PCDHGB2: variants seen among roughly 807,000 people sequenced by gnomAD.
The protein encoded by PCDHGB2 is protocadherin gamma-B2.
PCDHGB2 carries 55 observed loss-of-function variants against 59.3 expected under a neutral mutation model. The observed-to-expected ratio is 0.93, with a 90% CI of 0.75 to 1.16. The LOEUF is 1.16. Among genes scored for constraint, PCDHGB2 ranks in the 50% most tolerant of loss-of-function variants. The pLI is 0.00. For missense variants in PCDHGB2, 1,228 were observed against 1,198.5 expected (o/e 1.02, Z -0.36); for synonymous variants, 516 against 512.0 (o/e 1.01, Z -0.11).
chr5:141,433,204 C>T, intron 1 of PCDHGB2: 6 of 1,566,938 alleles, frequency 3.8e-6, no homozygotes, highest in Admixed American at 2.0e-5. Flanking sequence ...ATCAAATCTT[C>T]TTTCTTTTTT....
At chr5:141,429,385 T>A (rs1274446916) in intron 1 of PCDHGB2, among the ~76,000 whole-genome samples, 1 of 151,844 alleles carries the variant, frequency 6.6e-6, no homozygotes, top group Non-Finnish European at 1.5e-5. Flanking sequence ...GTGTTTTTTT[T>A]TTAAAAAAAA....
chr5:141,472,769 T>C (rs2154571402), intron 1 of PCDHGB2, among the ~76,000 whole-genome samples: 1 of 151,816 alleles, frequency 6.6e-6, no homozygotes, highest in South Asian at 2.1e-4. Context: ...GCAGATCACC[T>C]GAGGTTGGGA....
Position 141,407,977 on chromosome 5 carries a change from G to T in PCDHGB2, c.2421+45421G>T, listed in dbSNP as rs943554200. ...GTGCAGAGCAAGCGCTGACGCCGGG[G>T]ATCCGTCAGCCTCTGGCCTGGGATT... On this transcript the variant is annotated intron_variant, in intron 1 of 3. Coordinates refer to ENST00000522605, the MANE Select transcript of PCDHGB2 (RefSeq NM_018923.3). 65 of 747,656 alleles carry T rather than the reference G, an allele frequency of 8.7e-5. No individual in the cohort carries two copies. The African/African-American group carries it at 1.0e-3, about 12-fold the overall frequency. The allele number at this position is 747,656 out of a possible 1,614,324, so 46.3% of individuals were successfully genotyped here. A position where few individuals can be genotyped will look rare whatever the true frequency, so the allele number is the denominator to read the frequency against.
chr5:141,503,608 A>AAAAAAAG (rs1483073868), intron 2 of PCDHGB2, among the ~76,000 whole-genome samples: 1 of 151,994 alleles, frequency 6.6e-6, no homozygotes, highest in East Asian at 1.9e-4. Flanking sequence ...CAAAAAAAAA[A>AAAAAAAG]AAAAAAGAAA....
At chr5:141,410,340 T>G in intron 1 of PCDHGB2, 1 of 1,614,068 alleles carries the variant, frequency 6.2e-7, no homozygotes, top group Non-Finnish European at 8.5e-7. Flanking sequence ...GCCATTGCCT[T>G]GCGCCTGCGA....
intron 1 of PCDHGB2, chr5:141,376,579 T>C: frequency 6.3e-7 from 1 of 1,590,894 alleles, no homozygotes; most frequent in Non-Finnish European, 8.6e-7. Context: ...GACAGGCTCA[T>C]CAGCTAGATC....
chr5:141,483,007 C>G (rs938404755), intron 1 of PCDHGB2, among the ~76,000 whole-genome samples: 1 of 152,140 alleles, frequency 6.6e-6, no homozygotes, highest in South Asian at 2.1e-4. Flanking sequence ...ATTGCTTGAA[C>G]CCGGGAGGCA....
At position 141,368,797 on chromosome 5, in the gene PCDHGB2, A is replaced by G. The variant is rs560030013; in HGVS notation, c.2421+6241A>G. On this transcript the variant is annotated intron_variant, in intron 1 of 3. Coordinates refer to ENST00000522605, the MANE Select transcript of PCDHGB2 (RefSeq NM_018923.3). ...TGTGTTCTGAAGAATAATTTTTCAT[A>G]CTAATTGAAGTGTTCATACAATGAA... Among the ~76,000 whole-genome samples, 8 of 152,330 alleles carry G rather than the reference A, an allele frequency of 5.3e-5. No individual in the cohort carries two copies. The South Asian group carries it at 1.7e-3, about 32-fold the overall frequency.
intron 1 of PCDHGB2, among the ~76,000 whole-genome samples, chr5:141,470,142 A>G (rs1308458765): frequency 6.6e-6 from 1 of 152,044 alleles, no homozygotes; most frequent in Non-Finnish European, 1.5e-5. Context: ...AAAAAAGATC[A>G]TAGATCATCT....
rs1380943019 is a variant in PCDHGB2 at position 141,389,411 on chromosome 5, C to T, written c.2421+26855C>T. ...CCTACGTGTCCATAAGCGCGGAGAG[C>T]GGGGTGGTGTTCGCGCAGCGCGCCT... is the stretch of plus-strand genomic sequence containing the variant. On this transcript the variant is annotated intron_variant, in intron 1 of 3. Coordinates refer to ENST00000522605, the MANE Select transcript of PCDHGB2 (RefSeq NM_018923.3). 8 of 1,613,450 alleles carry T rather than the reference C, an allele frequency of 5.0e-6. No homozygotes were observed. The East Asian group carries it at 6.7e-5, about 13-fold the overall frequency.
chr5:141,474,210 A>G (rs1054533367), intron 1 of PCDHGB2, among the ~76,000 whole-genome samples: 3 of 152,230 alleles, frequency 2.0e-5, no homozygotes, highest in Non-Finnish European at 4.4e-5. Context: ...ATTTTCAAAA[A>G]CCAGATTGTG....
chr5:141,414,378 C>T lies in PCDHGB2; in HGVS notation c.2421+51822C>T, dbSNP rs958748519. ...ATCTACCATTTAAATTAGAAAAGTC[C>T]ATTGACAGTTATTACAGATTGGTGA... On this transcript the variant is annotated intron_variant, in intron 1 of 3. Coordinates refer to ENST00000522605, the MANE Select transcript of PCDHGB2 (RefSeq NM_018923.3). 3.1e-6 allele frequency: 5 copies of T among 1,613,736 alleles called. No individual in the cohort carries two copies. In the African/African-American group the frequency reaches 5.3e-5, roughly 17 times the overall value.
At chr5:141,484,383 A>C (rs968059260) in intron 1 of PCDHGB2, among the ~76,000 whole-genome samples, 1 of 152,194 alleles carries the variant, frequency 6.6e-6, no homozygotes, top group Non-Finnish European at 1.5e-5. Context: ...ATGTCTGAAT[A>C]AGAAAGGTTT....
At chr5:141,383,848 A>G in intron 1 of PCDHGB2, 1 of 1,613,980 alleles carries the variant, frequency 6.2e-7, no homozygotes. Flanking sequence ...CTTCTATGAA[A>G]TGGAGGTTCA....
At chr5:141,364,343 C>T in intron 1 of PCDHGB2, 1 of 1,541,934 alleles carries the variant, frequency 6.5e-7, no homozygotes, top group Non-Finnish European at 8.7e-7. Context: ...GGCGAGTCCA[C>T]CTAGGGGCTG....
In PCDHGB2 at chr5:141,490,091, A is replaced by T; in HGVS notation, c.2422-4716A>T. 6.2e-7 allele frequency: 1 copy of T among 1,614,240 alleles called. No homozygotes were observed. Among genetic ancestry groups the T allele is most frequent in the East Asian group, 2.2e-5 (1 of 44,888 alleles). ...CAACTAGACTATTCTTTTGGAGACC[A>T]CACATCTGAGGCAGTGCGGAACCTC... On this transcript the variant is annotated intron_variant, in intron 1 of 3. Coordinates refer to ENST00000522605, the MANE Select transcript of PCDHGB2 (RefSeq NM_018923.3). The surrounding 1 kb of genome is among the most constrained non-coding windows in gnomAD (Gnocchi z 5.4).
At chr5:141,386,302 C>T (rs1192647200) in intron 1 of PCDHGB2, among the ~76,000 whole-genome samples, 1 of 152,174 alleles carries the variant, frequency 6.6e-6, no homozygotes, top group Non-Finnish European at 1.5e-5. Flanking sequence ...TTTAGTAAAG[C>T]TCAGTATATC....
chr5:141,470,658 G>T lies in PCDHGB2; in HGVS notation c.2422-24149G>T, dbSNP rs527415532. Among the ~76,000 whole-genome samples the T allele has an allele frequency of 4.7e-3, 721 of 152,024 alleles. 9 individuals carry two copies. The highest frequency in any genetic ancestry group is 6.7e-3 in the Non-Finnish European group (452 of 67,944). On this transcript the variant is annotated intron_variant, in intron 1 of 3. Transcript: ENST00000522605. ...CTTGCTTTGAAGGCCCCTACCCTTT[G>T]GTTAGGGCTCTGCTGTTACCATCTT... is the stretch of plus-strand genomic sequence containing the variant.
chr5:141,387,793 A>T, intron 1 of PCDHGB2: 1 of 1,495,928 alleles, frequency 6.7e-7, no homozygotes, highest in Non-Finnish European at 8.9e-7. Flanking sequence ...CTGCAACTAA[A>T]GTCCGTTCGG....
Sources: gnomAD v4.1 joint callset for allele counts (sites outside exome capture counted in the v4.1 genomes callset) on GRCh38, gnomAD v4.1.1 for gene constraint, Gnocchi (gnomAD v3.1) non-coding constraint, MANE v1.5 for transcripts, NCBI Gene and HGNC (gene_info 2026-07-23, HGNC 2026-07-21) for gene names.